The following DHX36 variants were observed in gnomAD, a reference collection of about 807,000 sequenced individuals.
The protein encoded by DHX36 is DEAH-box helicase 36, also known as ATP-dependent DNA/RNA helicase DHX36.
In DHX36, 50 loss-of-function variants were observed where a neutral mutation model predicts 139.0. The ratio of observed to expected loss-of-function variants is 0.36; its 90% CI spans 0.29 to 0.46. The LOEUF (loss-of-function observed/expected upper bound fraction) is 0.46, where lower values mean the gene tolerates loss of function less well. DHX36 is among the 20% of genes least tolerant of loss of function. The pLI, the probability that DHX36 is intolerant of heterozygous loss-of-function variation, is 1.00. For synonymous variants in DHX36, 425 were observed against 401.9 expected (o/e 1.06, Z -0.69); for missense variants, 1,024 against 1,211.3 (o/e 0.85, Z 2.29).
chr3:154,297,528 T>C (rs1475763974), intron 12 of DHX36, among the ~76,000 whole-genome samples: 2 of 152,056 alleles, frequency 1.3e-5, no homozygotes, highest in Admixed American at 6.6e-5. Context: ...CTGGCTAAGA[T>C]GGTGAAACCC....
At chr3:154,286,454 A>G (rs1711556854) in intron 17 of DHX36, among the ~76,000 whole-genome samples, 1 of 151,708 alleles carries the variant, frequency 6.6e-6, no homozygotes, top group South Asian at 2.1e-4. Context: ...TTTCTGTATT[A>G]TCAGACTCGA....
intron 17 of DHX36, among the ~76,000 whole-genome samples, chr3:154,286,015 T>A (rs560054464): frequency 1.1e-4 from 17 of 151,806 alleles, no homozygotes; most frequent in Non-Finnish European, 1.0e-4. Flanking sequence ...ATTTGTTTAA[T>A]ATTTGAAACA....
At chr3:154,305,219 TTAAC>T in intron 6 of DHX36, 51 bp from the exon 7 acceptor site, 1 of 1,457,752 alleles carries the variant, frequency 6.9e-7, no homozygotes, top group South Asian at 1.2e-5. Flanking sequence ...CTTCTAATAA[TTAAC>T]TACCACAAAG....
chr3:154,289,795 T>C lies in DHX36; in HGVS notation c.1846A>G (p.Asn616Asp), dbSNP rs1429025334. Residue 616 changes from asparagine (N) to aspartate (D), a missense_variant, in exon 16 of 25, where the codon AAT becomes GAT. Asn to Asp is a conservative substitution (Grantham distance 23). This residue lies in a region of DHX36 where 470 missense variants were observed against 616.2 expected (regional missense o/e 0.76). Transcript: ENST00000496811. ...VQPGHCYHLYNGLRASLLDDY... is the reference protein window; with the variant it reads ...VQPGHCYHLYDGLRASLLDDY... The stretch of plus-strand genomic sequence containing the variant: ...TCTAGAAGACTTGCTCTAAGACCAT[T>C]ATACAGATGATAGCAATGACCAGGT... 6 of 1,611,402 alleles carry C rather than the reference T, an allele frequency of 3.7e-6. No individual in the cohort carries two copies. The highest frequency in any genetic ancestry group is 4.2e-6 in the Non-Finnish European group (5 of 1,178,826).
At chr3:154,285,321 T>G (rs745434377) in intron 17 of DHX36, among the ~76,000 whole-genome samples, 1 of 152,210 alleles carries the variant, frequency 6.6e-6, no homozygotes, top group Non-Finnish European at 1.5e-5. Context: ...TACACTATTA[T>G]ACATCTGGAA....
chr3:154,315,493 G>A (rs1182963363), intron 2 of DHX36, among the ~76,000 whole-genome samples: 1 of 151,978 alleles, frequency 6.6e-6, no homozygotes, highest in East Asian at 1.9e-4. Flanking sequence ...GCCAGATTAA[G>A]TTATTCCTTG....
chr3:154,293,717 A>C (rs1368650848), intron 14 of DHX36, 31 bp downstream of exon 14: 2 of 1,510,070 alleles, frequency 1.3e-6, no homozygotes, highest in Non-Finnish European at 1.8e-6. Context: ...TTATGTAATC[A>C]TCAGTATTTG....
chr3:154,280,981 A>T, intron 20 of DHX36, 119 bp from the exon 21 acceptor site: 1 of 752,622 alleles, frequency 1.3e-6, no homozygotes, highest in Non-Finnish European at 2.1e-6. Flanking sequence ...ACACTTTAGC[A>T]AACATGTTTT....
intron 22 of DHX36, 41 bp downstream of exon 22, chr3:154,280,538 A>G (rs1719299660): frequency 7.0e-7 from 1 of 1,425,226 alleles, no homozygotes; most frequent in Non-Finnish European, 9.8e-7. Flanking sequence ...AAAGTTTAAG[A>G]AGAGAATTAC....
chr3:154,276,071 GAA>G lies in DHX36; in HGVS notation c.*98_*99del, dbSNP rs1719138764. 1 of 1,188,364 alleles carries G rather than the reference GAA, an allele frequency of 8.4e-7. No homozygotes were observed. The highest frequency in any genetic ancestry group is 1.5e-5 in the South Asian group (1 of 65,698). The allele number at this position is 1,188,364 out of a possible 1,614,324, so 73.6% of individuals were successfully genotyped here. On this transcript the variant is annotated 3_prime_UTR_variant, in exon 25 of 25. Coordinates refer to ENST00000496811, the MANE Select transcript of DHX36 (RefSeq NM_020865.3). ...TACTGAAGGCTTCTACCTTACACATGAAAATTGTTCATGTCCCAGGGTTTGGC... is the reference window on the plus strand; with the variant it reads ...TACTGAAGGCTTCTACCTTACACATGAATTGTTCATGTCCCAGGGTTTGGC...
intron 5 of DHX36, among the ~76,000 whole-genome samples, chr3:154,307,324 A>C (rs990739207): frequency 6.6e-6 from 1 of 152,232 alleles, no homozygotes; most frequent in African/African-American, 2.4e-5. Context: ...CAACAGAGTA[A>C]ACAGATAATT....
chr3:154,279,549 T>C (rs536809419), intron 22 of DHX36: 2 of 152,318 alleles, frequency 1.3e-5, no homozygotes, highest in South Asian at 4.1e-4. Context: ...ACCACAATGA[T>C]TAAAATTCAT....
intron 5 of DHX36, among the ~76,000 whole-genome samples, 185 bp from the exon 6 acceptor site, chr3:154,306,480 A>G (rs1407135152): frequency 6.6e-6 from 1 of 152,126 alleles, no homozygotes; most frequent in Non-Finnish European, 1.5e-5. Flanking sequence ...TTTATTTTTC[A>G]TTTCCTCTTA....
Position 154,277,695 on chromosome 3 carries a change from T to C in DHX36, c.2591A>G (p.Asp864Gly). 2 of 1,609,042 alleles carry C rather than the reference T, an allele frequency of 1.2e-6. No individual in the cohort carries two copies. The highest frequency in any genetic ancestry group is 1.1e-5 in the South Asian group (1 of 90,206). ...RKMVKVYTKT[D>G]GLVAVHPKSV... ...TTTAGGATGAACAGCAACCAGGCCA[T>C]CGGTTTTTGTGTAAACTTTTACCCT... Residue 864 changes from aspartate to glycine, a missense_variant, in exon 23 of 25, where the codon GAT (aspartate) becomes GGT (glycine). Asp to Gly is a moderately conservative substitution (Grantham distance 94, BLOSUM62 -1). This residue lies in a region of DHX36 where 470 missense variants were observed against 616.2 expected (regional missense o/e 0.76). Transcript: ENST00000496811.
intron 5 of DHX36, among the ~76,000 whole-genome samples, chr3:154,307,734 C>G (rs989800142): frequency 1.3e-5 from 2 of 151,550 alleles, no homozygotes; most frequent in African/African-American, 4.9e-5. Flanking sequence ...AAAAATAGAG[C>G]TATCATTTGA....
In DHX36 at chr3:154,302,175, G is replaced by C. The variant is rs758596575; in HGVS notation, c.1218-1048C>G. 3.3e-5 allele frequency among the ~76,000 whole-genome samples: 5 copies of C among 152,076 alleles called. No individual in the cohort carries two copies. The East Asian group carries it at 9.7e-4, about 29-fold the overall frequency. ...AAGAGGAACTATTGTATTAGCACAG[G>C]AGAGATAGTAAGGACCTTAGCAAAG... On this transcript the variant is annotated intron_variant, in intron 9 of 24. Transcript: ENST00000496811.
In DHX36 at chr3:154,283,403, T is replaced by C; in HGVS notation, c.2293-132A>G. On this transcript the variant is annotated intron_variant, in intron 19 of 24. Transcript: ENST00000496811. ...TTTTCTTTGTAAAAAATTCAAAGAA[T>C]TTTATAACTGATAAAACTAAAAACA... 4.7e-6 allele frequency: 3 copies of C among 637,860 alleles called. No homozygotes were observed. The South Asian group carries it at 6.7e-5, about 14-fold the overall frequency. The allele number at this position is 637,860 out of a possible 1,614,324, so 39.5% of individuals were successfully genotyped here.
intron 1 of DHX36, among the ~76,000 whole-genome samples, chr3:154,323,755 C>T (rs1713289617): frequency 6.6e-6 from 1 of 152,148 alleles, no homozygotes; most frequent in African/African-American, 2.4e-5. Context: ...TTTTGTTCCG[C>T]GCAAACCTAT....
Position 154,316,034 on chromosome 3 carries a change from C to G in DHX36, c.368+5G>C. The G allele has an allele frequency of 6.2e-7, 1 of 1,610,862 alleles. No homozygotes were observed. The highest frequency in any genetic ancestry group is 8.5e-7 in the Non-Finnish European group (1 of 1,178,706). On this transcript the variant is annotated splice_donor_5th_base_variant and intron_variant, in intron 2 of 24. Transcript: ENST00000496811. ...TATTCTTTAAAAAAATATTTCTTGT[C>G]GTACCCATGATCCTCAGGAGCAAAC...
Sources: allele counts gnomAD v4.1 joint callset (sites outside exome capture counted in the v4.1 genomes callset), GRCh38; gene constraint gnomAD v4.1.1; regional missense constraint gnomAD v4.1.1; transcripts MANE v1.5; gene names NCBI Gene and HGNC (gene_info 2026-07-23, HGNC 2026-07-21).